Variants in RADIL observed in about 807,000 individuals in gnomAD.
RADIL encodes ras-associating and dilute domain-containing protein.
Under a neutral mutation model 97.6 loss-of-function variants are expected in RADIL, and 99 were observed. That is an observed-to-expected ratio of 1.01 (90% CI 0.86 to 1.20). The LOEUF (loss-of-function observed/expected upper bound fraction) is 1.20. Ranked by LOEUF, RADIL falls within the 50% of genes most tolerant of loss-of-function variation. The pLI, the probability that RADIL is intolerant of heterozygous loss-of-function variation, is 0.00. For missense variants in RADIL, 1,765 were observed against 1,498.9 expected (o/e 1.18, Z -2.93); for synonymous variants, 803 against 691.8 (o/e 1.16, Z -2.52).
chr7:4,883,123 G>T lies in RADIL; in HGVS notation c.-65+473C>A, dbSNP rs1414710100. Reference sequence around the variant, plus strand: ...GCAACCGGGACGGGGTATGTGCAGGGGACGTCTCGCCGGCCCAGGTGGGAG... The same window carrying T: ...GCAACCGGGACGGGGTATGTGCAGGTGACGTCTCGCCGGCCCAGGTGGGAG... On this transcript the variant is annotated intron_variant, in intron 1 of 14. Transcript: ENST00000399583. This position sits in a 1 kb window ranked among gnomAD's most constrained non-coding sequence, Gnocchi z 7.1. 6.7e-6 allele frequency among the ~76,000 whole-genome samples: 1 copy of T among 149,778 alleles called. No individual in the cohort carries two copies. Among genetic ancestry groups the T allele is most frequent in the Non-Finnish European group, 1.5e-5 (1 of 68,000 alleles).
At chr7:4,860,678 A>T in intron 2 of RADIL, 1 of 1,614,224 alleles carries the variant, frequency 6.2e-7, no homozygotes, top group South Asian at 1.1e-5. Context: ...ACTTGCCAGA[A>T]GTACAATATA....
At chr7:4,800,064 A>G (rs1021080535) in intron 13 of RADIL, 107 bp downstream of exon 13, 142 of 1,441,992 alleles carry the variant, frequency 9.8e-5, no homozygotes, top group Non-Finnish European at 1.3e-4. Flanking sequence ...TCCTCCCCGA[A>G]GGCCTTCCTG....
rs1352681305 is a variant in RADIL, at chr7:4,824,145, G to A, written c.1455-1591C>T. The stretch of plus-strand genomic sequence containing the variant: ...TGGGTCTGCCTGGGGTGTGGAGGGC[G>A]GCCCTGCTGCCTGCCCCATGGCTGG... On this transcript the variant is annotated intron_variant, in intron 5 of 14. Transcript: ENST00000399583. The surrounding 1 kb of genome is among the most constrained non-coding windows in gnomAD (Gnocchi z 6.7). Among the ~76,000 whole-genome samples the A allele has an allele frequency of 1.3e-5, 2 of 152,204 alleles. No homozygotes were observed. The highest frequency in any genetic ancestry group is 1.5e-5 in the Non-Finnish European group (1 of 68,036).
At chr7:4,823,661 G>A (rs879360841) in intron 5 of RADIL, among the ~76,000 whole-genome samples, 56 of 152,110 alleles carry the variant, frequency 3.7e-4, no homozygotes, top group African/African-American at 6.8e-4. Context: ...CTCCCTCAGC[G>A]GCAGCCTCCA....
chr7:4,852,394 A>G lies in RADIL; in HGVS notation c.536-15789T>C, dbSNP rs144708928. Among the ~76,000 whole-genome samples, 987 of 152,304 alleles carry G rather than the reference A, an allele frequency of 6.5e-3. 4 individuals are homozygous for G. Among genetic ancestry groups the G allele is most frequent in the Non-Finnish European group, 0.011 (763 of 68,016 alleles). On this transcript the variant is annotated intron_variant, in intron 2 of 14. Coordinates refer to ENST00000399583, the MANE Select transcript of RADIL (RefSeq NM_018059.5). ...CTGGAATTTGCCTCACTAGAGTTCA[A>G]AAATGCTTTGGGCCAGGCCAGTGGC...
chr7:4,800,706 C>T (rs916747456), intron 12 of RADIL, among the ~76,000 whole-genome samples: 2 of 152,174 alleles, frequency 1.3e-5, no homozygotes, highest in Non-Finnish European at 2.9e-5. Context: ...CTGACCAGAC[C>T]GGGGCCCCAG....
intron 5 of RADIL, among the ~76,000 whole-genome samples, chr7:4,827,941 C>T (rs971222915): frequency 6.6e-6 from 1 of 151,854 alleles, no homozygotes; most frequent in Non-Finnish European, 1.5e-5. Context: ...CCAGTTTTAC[C>T]GATAAATTCA....
rs375018639 is a variant in RADIL, at chr7:4,860,394, C to T, written c.535+17211G>A. 1.9e-6 allele frequency: 3 copies of T among 1,614,004 alleles called. No individual in the cohort carries two copies. In the South Asian group the frequency reaches 3.3e-5, roughly 18 times the overall value. ...CCCATCTCAAACATCTTACTATTCACTGCTTGCCTATAAACAGTATCTGTG... is the reference window on the plus strand; with the variant it reads ...CCCATCTCAAACATCTTACTATTCATTGCTTGCCTATAAACAGTATCTGTG... On this transcript the variant is annotated intron_variant, in intron 2 of 14. Transcript: ENST00000399583.
chr7:4,809,205 C>G, intron 9 of RADIL: 1 of 985,322 alleles, frequency 1.0e-6, no homozygotes, highest in Non-Finnish European at 1.2e-6. Flanking sequence ...CTGTCACTGC[C>G]GACTCGGGCC....
chr7:4,810,964 C>T lies in RADIL; in HGVS notation c.2139+4314G>A, dbSNP rs116773169. Among the ~76,000 whole-genome samples the T allele has an allele frequency of 1.5e-3, 225 of 152,264 alleles. 3 individuals carry two copies. Among genetic ancestry groups the T allele is most frequent in the African/African-American group, 5.3e-3 (219 of 41,550 alleles). The stretch of plus-strand genomic sequence containing the variant: ...CCAGCCTGGTCAACATGGTGAGACT[C>T]CATTTCTACTAAAAATACAAAAATT... On this transcript the variant is annotated intron_variant, in intron 9 of 14. Transcript: ENST00000399583.
chr7:4,816,303 C>T lies in RADIL; in HGVS notation c.1891G>A (p.Glu631Lys), dbSNP rs201717102. ...DLLRQLQVHP[E>K]VASQMLAYLF... Reference sequence around the variant, plus strand: ...TAGGCGAGCATCTGCGAGGCCACCTCGGGGTGCACCTGCAGCTGCCGCAGG... The same window carrying T: ...TAGGCGAGCATCTGCGAGGCCACCTTGGGGTGCACCTGCAGCTGCCGCAGG... The change falls in exon 8 of 15, where the codon GAG becomes AAG. Residue 631 changes from glutamate to lysine, a missense_variant. By Grantham distance (56) the Glu-to-Lys change is moderately conservative (BLOSUM62 1). Coordinates refer to ENST00000399583, the MANE Select transcript of RADIL (RefSeq NM_018059.5). 10 of 1,612,462 alleles carry T rather than the reference C, an allele frequency of 6.2e-6. No individual in the cohort carries two copies. Among genetic ancestry groups the T allele is most frequent in the African/African-American group, 2.7e-5 (2 of 74,928 alleles).
chr7:4,831,677 C>T (rs527688955), intron 5 of RADIL, among the ~76,000 whole-genome samples: 6 of 148,380 alleles, frequency 4.0e-5, no homozygotes, highest in Non-Finnish European at 5.9e-5. Flanking sequence ...TTCAGTAGTT[C>T]GAGACCAGCC....
At chr7:4,859,828 T>C (rs1255424036) in intron 2 of RADIL, 1 of 943,022 alleles carries the variant, frequency 1.1e-6, no homozygotes, top group African/African-American at 1.7e-5. Context: ...GTATTGAGTT[T>C]CTCCTCTTCC....
rs1784269163 is a variant in RADIL at position 4,872,070 on chromosome 7, G to A, written c.535+5535C>T. ...ACCCAGCCCCTCCGAGAGTGGCCCA[G>A]GAGAAACAAATGTCGCCACTGTGGA... On this transcript the variant is annotated intron_variant, in intron 2 of 14. Coordinates refer to ENST00000399583, the MANE Select transcript of RADIL (RefSeq NM_018059.5). This position sits in a 1 kb window ranked among gnomAD's most constrained non-coding sequence, Gnocchi z 5.8. Among the ~76,000 whole-genome samples, 1 of 152,142 alleles carries A rather than the reference G, an allele frequency of 6.6e-6. No individual in the cohort carries two copies. The highest frequency in any genetic ancestry group is 1.5e-5 in the Non-Finnish European group (1 of 68,020).
At chr7:4,869,995 C>T (rs1183043944) in intron 2 of RADIL, among the ~76,000 whole-genome samples, 1 of 152,084 alleles carries the variant, frequency 6.6e-6, no homozygotes, top group Non-Finnish European at 1.5e-5. Context: ...AGAAATAAGT[C>T]GAGTGTGTTG....
intron 9 of RADIL, among the ~76,000 whole-genome samples, chr7:4,811,475 ATTTCTTTTTTTTTT>A (rs1782543205): frequency 1.5e-5 from 1 of 67,854 alleles, no homozygotes; most frequent in Non-Finnish European, 3.1e-5. Context: ...TGATGGTATT[ATTTCTTTTTTTTTT>A]TTTTTTTTTT....
chr7:4,866,128 G>A (rs1455638250), intron 2 of RADIL, among the ~76,000 whole-genome samples: 1 of 152,054 alleles, frequency 6.6e-6, no homozygotes, highest in Non-Finnish European at 1.5e-5. Flanking sequence ...CTGTGTGTGT[G>A]CGTGTGCATG....
At chr7:4,830,286 C>T (rs764690497) in intron 5 of RADIL, among the ~76,000 whole-genome samples, 2 of 152,300 alleles carry the variant, frequency 1.3e-5, no homozygotes, top group African/African-American at 2.4e-5. Flanking sequence ...AGCTCCTGTG[C>T]GGACACACTG....
At chr7:4,803,883 C>T (rs1458192948) in intron 10 of RADIL, 129 bp from the exon 11 acceptor site, 1 of 860,606 alleles carries the variant, frequency 1.2e-6, no homozygotes, top group Admixed American at 2.0e-5. Context: ...CCTGTGGACA[C>T]AGGAGGCTGG....
Sources: allele counts gnomAD v4.1 joint callset (sites outside exome capture counted in the v4.1 genomes callset), GRCh38; gene constraint gnomAD v4.1.1; non-coding constraint Gnocchi (gnomAD v3.1); transcripts MANE v1.5; gene names NCBI Gene and HGNC (gene_info 2026-07-23, HGNC 2026-07-21).